The following RPTOR variants were observed in gnomAD, a reference collection of about 807,000 sequenced individuals.
RPTOR encodes regulatory associated protein of MTOR complex 1.
Under a neutral mutation model 169.9 loss-of-function variants are expected in RPTOR, and 21 were observed. The observed-to-expected ratio is 0.12, with a 90% CI of 0.09 to 0.18. The LOEUF (loss-of-function observed/expected upper bound fraction) is 0.18. Ranked by LOEUF, RPTOR falls within the 10% of genes least tolerant of loss-of-function variation. The probability of loss-of-function intolerance (pLI) is 1.00; values close to 1 mark genes in which losing one functional copy is unlikely to be tolerated. For missense variants in RPTOR, 1,133 were observed against 1,855.9 expected (o/e 0.61, Z 7.16); for synonymous variants, 732 against 753.2 (o/e 0.97, Z 0.46).
chr17:80,771,624 G>T (rs2066844099), intron 6 of RPTOR, among the ~76,000 whole-genome samples: 1 of 149,422 alleles, frequency 6.7e-6, no homozygotes, highest in Admixed American at 6.7e-5. Flanking sequence ...TTGTTTTTCT[G>T]TGTAATGGAA....
chr17:80,854,796 G>T (rs965909757), intron 11 of RPTOR, among the ~76,000 whole-genome samples: 1 of 152,228 alleles, frequency 6.6e-6, no homozygotes, highest in African/African-American at 2.4e-5. Context: ...CAGGGTTTGA[G>T]GTGGGAGGAT....
At chr17:80,777,492 C>T (rs1244655916) in intron 6 of RPTOR, among the ~76,000 whole-genome samples, 3 of 151,864 alleles carry the variant, frequency 2.0e-5, no homozygotes, top group African/African-American at 7.3e-5. Context: ...CGCTTTGCAT[C>T]TCCCTAACGA....
At chr17:80,763,889 C>T (rs1026858537) in intron 6 of RPTOR, among the ~76,000 whole-genome samples, 4 of 151,984 alleles carry the variant, frequency 2.6e-5, no homozygotes, top group African/African-American at 7.2e-5. Context: ...TTTACATGTA[C>T]ACACTTACAC....
intron 24 of RPTOR, among the ~76,000 whole-genome samples, chr17:80,932,331 C>A (rs2068908179): frequency 6.6e-6 from 1 of 151,980 alleles, no homozygotes; most frequent in Non-Finnish European, 1.5e-5. Flanking sequence ...CGCAGCAAGA[C>A]CTCATGTCTA....
chr17:80,560,745 C>G (rs183299099), intron 1 of RPTOR, among the ~76,000 whole-genome samples: 10 of 152,280 alleles, frequency 6.6e-5, no homozygotes, highest in Admixed American at 3.9e-4. Flanking sequence ...CATTCCCTTC[C>G]CACACTGCCA....
chr17:80,679,712 T>A (rs986036789), intron 3 of RPTOR, among the ~76,000 whole-genome samples: 1 of 152,276 alleles, frequency 6.6e-6, no homozygotes, highest in African/African-American at 2.4e-5. Flanking sequence ...GGAGTTGAAG[T>A]GTCTTCAGAA....
chr17:80,702,025 C>G (rs2066105097), intron 3 of RPTOR, among the ~76,000 whole-genome samples: 1 of 152,152 alleles, frequency 6.6e-6, no homozygotes, highest in African/African-American at 2.4e-5. Context: ...TCTCCAGGGT[C>G]TGAAGTCTGC....
chr17:80,648,708 C>T (rs1283581218), intron 3 of RPTOR, among the ~76,000 whole-genome samples: 2 of 152,126 alleles, frequency 1.3e-5, no homozygotes, highest in Admixed American at 6.5e-5. Context: ...CCCCCACCCC[C>T]AAATGTTTTG....
At chr17:80,690,978 A>G (rs2065986499) in intron 3 of RPTOR, among the ~76,000 whole-genome samples, 1 of 152,108 alleles carries the variant, frequency 6.6e-6, no homozygotes, top group Non-Finnish European at 1.5e-5. Context: ...AATGTCTTGT[A>G]GAAACAGGGT....
At chr17:80,791,053 A>G (rs1243608298) in intron 6 of RPTOR, among the ~76,000 whole-genome samples, 1 of 151,930 alleles carries the variant, frequency 6.6e-6, no homozygotes, top group African/African-American at 2.4e-5. Flanking sequence ...TCTTGAGGCT[A>G]CTCATTTATT....
At chr17:80,591,619 T>G (rs1308284878) in intron 1 of RPTOR, among the ~76,000 whole-genome samples, 1 of 152,044 alleles carries the variant, frequency 6.6e-6, no homozygotes, top group Non-Finnish European at 1.5e-5. Context: ...GCTCAGGCAA[T>G]CCACCTGCCT....
chr17:80,948,064 C>A (rs956873120), intron 27 of RPTOR, among the ~76,000 whole-genome samples: 3 of 152,260 alleles, frequency 2.0e-5, no homozygotes, highest in Admixed American at 1.3e-4. Flanking sequence ...AAGTCGCTGT[C>A]AGTCCCACTG....
intron 1 of RPTOR, among the ~76,000 whole-genome samples, chr17:80,611,077 G>T (rs775881976): frequency 1.3e-4 from 20 of 152,220 alleles, no homozygotes; most frequent in Middle Eastern, 3.4e-3. Flanking sequence ...TTCCAATGCA[G>T]ATTGCCTCCA....
intron 1 of RPTOR, among the ~76,000 whole-genome samples, chr17:80,613,313 C>T (rs2065284695): frequency 6.6e-6 from 1 of 152,166 alleles, no homozygotes; most frequent in Non-Finnish European, 1.5e-5. Context: ...AGATCTGTGG[C>T]ACTCTGGGCA....
intron 7 of RPTOR, among the ~76,000 whole-genome samples, chr17:80,795,102 C>T (rs1365505484): frequency 1.3e-5 from 2 of 152,234 alleles, no homozygotes; most frequent in Middle Eastern, 3.4e-3. Flanking sequence ...GTGAGCAGGC[C>T]GGAGAGTGCA....
intron 13 of RPTOR, 105 bp downstream of exon 13, chr17:80,858,005 T>A (rs2067873726): frequency 1.1e-6 from 1 of 878,014 alleles, no homozygotes; most frequent in Admixed American, 2.0e-5. Context: ...CCTCGCTCCC[T>A]CTCCAGGCAC....
intron 8 of RPTOR, among the ~76,000 whole-genome samples, chr17:80,822,746 G>T (rs1172260873): frequency 6.6e-6 from 1 of 150,810 alleles, no homozygotes; most frequent in Non-Finnish European, 1.5e-5. Flanking sequence ...GTGTGTATAT[G>T]CATATTTGTG....
At chr17:80,850,551 A>G (rs2067782813) in intron 11 of RPTOR, among the ~76,000 whole-genome samples, 1 of 152,186 alleles carries the variant, frequency 6.6e-6, no homozygotes. Context: ...CTGGGATATC[A>G]GGTGTGCACC....
chr17:80,934,761 A>G (rs141750467), intron 24 of RPTOR, among the ~76,000 whole-genome samples: 3 of 152,356 alleles, frequency 2.0e-5, no homozygotes, highest in Middle Eastern at 3.4e-3. Flanking sequence ...CCACTTCTGC[A>G]CAACCTGTCA....
Sources: gnomAD v4.1 joint callset for allele counts (sites outside exome capture counted in the v4.1 genomes callset) on GRCh38, gnomAD v4.1.1 for gene constraint, MANE v1.5 for transcripts, NCBI Gene and HGNC (gene_info 2026-07-23, HGNC 2026-07-21) for gene names.